MICAL3: variants seen among roughly 807,000 people sequenced by gnomAD.
The protein encoded by MICAL3 is microtubule associated monooxygenase, calponin and LIM domain containing 3, also known as [F-actin]-monooxygenase MICAL3.
MICAL3 carries 62 observed loss-of-function variants against 207.4 expected under a neutral mutation model. The observed-to-expected ratio is 0.30, with a 90% CI of 0.24 to 0.37. The LOEUF is 0.37. Ranked by LOEUF, MICAL3 falls within the 10% of genes least tolerant of loss-of-function variation. MICAL3 has a pLI of 1.00. For synonymous variants in MICAL3, 1,077 were observed against 1,069.3 expected, an observed-to-expected ratio of 1.01 and a Z score of -0.14; for missense variants, 2,368 against 2,635.6, an observed-to-expected ratio of 0.90 and a Z score of 2.22.
chr22:17,984,492 A>G (rs975731144), intron 1 of MICAL3, among the ~76,000 whole-genome samples: 1 of 152,160 alleles, frequency 6.6e-6, no homozygotes, highest in African/African-American at 2.4e-5. Flanking sequence ...CACCCACAGC[A>G]TTGACCCACA....
intron 1 of MICAL3, among the ~76,000 whole-genome samples, chr22:18,008,251 G>T (rs1685967109): frequency 6.6e-6 from 1 of 151,920 alleles, no homozygotes; most frequent in African/African-American, 2.4e-5. Context: ...GAAAAAAAAA[G>T]CATGGTGCAA....
intron 1 of MICAL3, among the ~76,000 whole-genome samples, chr22:17,973,374 C>T (rs1034135056): frequency 5.3e-5 from 8 of 152,194 alleles, no homozygotes; most frequent in Non-Finnish European, 1.0e-4. Flanking sequence ...AGACTTACTT[C>T]TGTAGGGTAT....
intron 16 of MICAL3, among the ~76,000 whole-genome samples, chr22:17,874,338 G>A (rs528074859): frequency 1.3e-5 from 2 of 152,146 alleles, no homozygotes; most frequent in Non-Finnish European, 2.9e-5. Context: ...GAGCTGAGCA[G>A]GTAACTTAAC....
At chr22:17,849,644 ATGTGTGTGTGTGTGTGTGTGTG>A (rs149239378) in intron 19 of MICAL3, among the ~76,000 whole-genome samples, 1 of 79,446 alleles carries the variant, frequency 1.3e-5, no homozygotes, top group African/African-American at 5.1e-5. Flanking sequence ...CCAGAATGGA[ATGTGTGTGTGTGTGTGTGTGTG>A]TGTGTGTGTG....
chr22:17,836,183 G>A (rs1189613576), intron 20 of MICAL3, among the ~76,000 whole-genome samples: 1 of 152,218 alleles, frequency 6.6e-6, no homozygotes, highest in Admixed American at 6.5e-5. Context: ...AAACAGACAA[G>A]GTTTGCTCCA....
intron 21 of MICAL3, 60 bp downstream of exon 21, chr22:17,831,794 G>A (rs921195932): frequency 6.0e-5 from 91 of 1,522,196 alleles, no homozygotes; most frequent in African/African-American, 8.3e-5. Context: ...TTACACTCAC[G>A]CATGAAACAG....
At chr22:18,010,782 T>C (rs1394853749) in intron 1 of MICAL3, among the ~76,000 whole-genome samples, 1 of 152,090 alleles carries the variant, frequency 6.6e-6, no homozygotes, top group African/African-American at 2.4e-5. Flanking sequence ...AACATGTTCA[T>C]AGCCAGGTGA....
At position 17,817,750 on chromosome 22, in the gene MICAL3, T is replaced by C. The variant is rs781566158; in HGVS notation, c.4911A>G (p.Ser1637=). Residue 1637 remains serine (S), a synonymous_variant, in exon 26 of 32, where the codon TCA becomes TCG. Transcript: ENST00000441493. ...GGCGCTCCTTGCCCTGGGAGGGTGC[T>C]GAGGACGCCTTGCGGGGCCTGGGGG... ...SGAPRPRKAS[S]APSQGKERRP... is the part of the protein sequence containing the mutation. 12 of 1,591,550 alleles carry C rather than the reference T, an allele frequency of 7.5e-6. No individual in the cohort carries two copies. Among genetic ancestry groups the C allele is most frequent in the Non-Finnish European group, 1.0e-5 (12 of 1,169,358 alleles).
chr22:17,841,711 G>T lies in MICAL3; in HGVS notation c.2801+111C>A, dbSNP rs557339524. 9 of 1,117,500 alleles carry T rather than the reference G, an allele frequency of 8.1e-6. No homozygotes were observed. In the South Asian group the frequency reaches 8.6e-5, roughly 11 times the overall value. 69.2% of individuals were successfully genotyped at this position (1,117,500 alleles called of 1,614,324 possible). ...GACTGGGGAGAATGGACTGCGGGCA[G>T]CAGGAAAGACAGGAGGCCTCCCTTC... On this transcript the variant is annotated intron_variant, in intron 20 of 31. Coordinates refer to ENST00000441493, the MANE Select transcript of MICAL3 (RefSeq NM_015241.3). The surrounding 1 kb of genome is among the most constrained non-coding windows in gnomAD (Gnocchi z 4.2).
intron 29 of MICAL3, among the ~76,000 whole-genome samples, chr22:17,792,388 C>A (rs1454484475): frequency 6.6e-6 from 1 of 152,234 alleles, no homozygotes; most frequent in Non-Finnish European, 1.5e-5. Context: ...TGGGGTCCAT[C>A]CATGGGCCTC....
Position 17,826,954 on chromosome 22 carries a change from C to T in MICAL3, c.3193+690G>A, listed in dbSNP as rs923625714. 1.7e-4 allele frequency among the ~76,000 whole-genome samples: 26 copies of T among 152,302 alleles called. 1 individual carries two copies. The highest frequency in any genetic ancestry group is 5.5e-4 in the African/African-American group (23 of 41,572). On this transcript the variant is annotated intron_variant, in intron 22 of 31. Coordinates refer to ENST00000441493, the MANE Select transcript of MICAL3 (RefSeq NM_015241.3). ...CCTGGCAGGGGGTGTGGCCCGTGAC[C>T]GGCGCTGAATGAAAATGTGCACGCA...
At chr22:18,013,375 T>G (rs917786483) in intron 1 of MICAL3, among the ~76,000 whole-genome samples, 1 of 152,218 alleles carries the variant, frequency 6.6e-6, no homozygotes, top group Non-Finnish European at 1.5e-5. Flanking sequence ...CTTAATAACC[T>G]CATTTTTCTG....
Position 17,808,966 on chromosome 22 carries a change from C to T in MICAL3, c.5557-29G>A, listed in dbSNP as rs545804349. The T allele has an allele frequency of 4.6e-4, 698 of 1,528,380 alleles. 11 individuals carry two copies. The South Asian group carries it at 7.7e-3, about 17-fold the overall frequency. 94.7% of individuals were successfully genotyped at this position (1,528,380 alleles called of 1,614,324 possible). A position where few individuals can be genotyped will look rare whatever the true frequency, so the allele number is the denominator to read the frequency against. ...TGACAGACAGCACAGACTGAGCACC[C>T]GGCTCTCCAGCCCTGCTTCAGGAGG... On this transcript the variant is annotated intron_variant, in intron 28 of 31. Transcript: ENST00000441493.
Position 17,822,999 on chromosome 22 carries a change from C to T in MICAL3, c.3255G>A (p.Gly1085=), listed in dbSNP as rs1921811135. ...DVDSEPAEIE[G]EAAEDGDPGD... ...CTGGGTCCCCATCCTCTGCTGCCTC[C>T]CCTTCTATCTCGGCTGGTTCTGAGT... Residue 1085 remains glycine, a synonymous_variant, in exon 23 of 32, where the codon GGG becomes GGA. Coordinates refer to ENST00000441493, the MANE Select transcript of MICAL3 (RefSeq NM_015241.3). 4 of 1,613,940 alleles carry T rather than the reference C, an allele frequency of 2.5e-6. No individual in the cohort carries two copies. The highest frequency in any genetic ancestry group is 1.7e-5 in the Admixed American group (1 of 60,026).
Position 17,817,763 on chromosome 22 carries a change from C to T in MICAL3, c.4898G>A (p.Arg1633His), listed in dbSNP as rs772989638. The T allele has an allele frequency of 8.2e-6, 13 of 1,592,750 alleles. No homozygotes were observed. The highest frequency in any genetic ancestry group is 2.7e-5 in the African/African-American group (2 of 74,502). The change falls in exon 26 of 32, where the codon CGC becomes CAC. Residue 1633 changes from arginine to histidine, a missense_variant. Arg to His is a conservative substitution (Grantham distance 29). Transcript: ENST00000441493. The part of the protein sequence containing the change: ...MELASGAPRP[R>H]KASSAPSQGK... ...CTGGGAGGGTGCTGAGGACGCCTTG[C>T]GGGGCCTGGGGGCGCCTGAGGCCAG...
intron 1 of MICAL3, among the ~76,000 whole-genome samples, chr22:18,015,480 T>C (rs1314477899): frequency 6.7e-6 from 1 of 149,310 alleles, no homozygotes; most frequent in Admixed American, 6.8e-5. Context: ...TGGTGTGATC[T>C]TGGCTCACTG....
chr22:17,813,005 G>C (rs1370535869), intron 27 of MICAL3: 1 of 152,120 alleles, frequency 6.6e-6, no homozygotes, highest in Non-Finnish European at 1.5e-5. Context: ...GAGGAAAGGG[G>C]GTCCTGCTCT....
chr22:17,903,373 C>T (rs191638537), intron 3 of MICAL3, among the ~76,000 whole-genome samples: 29 of 152,308 alleles, frequency 1.9e-4, no homozygotes, highest in African/African-American at 6.7e-4. Context: ...TCCATGAGCA[C>T]CTGCAGGCAC....
chr22:17,944,806 T>C (rs1283203242), intron 1 of MICAL3, among the ~76,000 whole-genome samples: 1 of 152,104 alleles, frequency 6.6e-6, no homozygotes, highest in East Asian at 1.9e-4. Context: ...AACAGCTATC[T>C]GAGGGTGGAG....
Sources: gnomAD v4.1 joint callset for allele counts (sites outside exome capture counted in the v4.1 genomes callset) on GRCh38, gnomAD v4.1.1 for gene constraint, Gnocchi (gnomAD v3.1) non-coding constraint, MANE v1.5 for transcripts, NCBI Gene and HGNC (gene_info 2026-07-23, HGNC 2026-07-21) for gene names.